FLNB: variants seen among roughly 807,000 people sequenced by gnomAD.
FLNB encodes the protein filamin B.
A neutral mutation model predicts 250.6 loss-of-function variants in FLNB; 111 were observed. That is an observed-to-expected ratio of 0.44 (90% confidence interval 0.38 to 0.52). The LOEUF is 0.52. Among genes scored for constraint, FLNB ranks in the 20% least tolerant of loss-of-function variants. FLNB has a pLI of 0.00. For missense variants in FLNB, 2,869 were observed against 3,447.8 expected, an observed-to-expected ratio of 0.83 and a Z score of 4.20; for synonymous variants, 1,302 against 1,372.1, an observed-to-expected ratio of 0.95 and a Z score of 1.13.
At chr3:58,062,245 C>T (rs1225968158) in intron 1 of FLNB, among the ~76,000 whole-genome samples, 2 of 152,220 alleles carry the variant, frequency 1.3e-5, no homozygotes, top group African/African-American at 4.8e-5. Flanking sequence ...CAGATGCAGT[C>T]ATGACTTCTG....
At chr3:58,078,321 G>A in intron 2 of FLNB, 1 of 1,445,420 alleles carries the variant, frequency 6.9e-7, no homozygotes, top group South Asian at 1.5e-5. Flanking sequence ...GTGCCTTTGA[G>A]CAAGTGGATT....
chr3:58,105,274 G>C, intron 11 of FLNB, 58 bp downstream of exon 11: 1 of 1,608,676 alleles, frequency 6.2e-7, no homozygotes, highest in Non-Finnish European at 8.5e-7. Context: ...AGGGCTTCCG[G>C]GCTGTGTCAG....
At position 58,109,243 on chromosome 3, in the gene FLNB, C is replaced by T. The variant is rs780137252; in HGVS notation, c.2120C>T (p.Ser707Leu). Reference sequence around the variant, plus strand: ...CGGATGGACGGCACATATGCATGCTCATACACCCCGGTGAAGGCCATCAAG... The same window carrying T: ...CGGATGGACGGCACATATGCATGCTTATACACCCCGGTGAAGGCCATCAAG... ...KNRMDGTYAC[S>L]YTPVKAIKHT... The change falls in exon 14 of 46, where the codon TCA (serine) becomes TTA (leucine). Residue 707 changes from serine to leucine, a missense_variant. By Grantham distance (145) the Ser-to-Leu change is moderately radical (BLOSUM62 -2). Around this residue, in one of 5 missense-constraint regions of FLNB, gnomAD observed 1,348 missense variants for 1,466.7 expected, o/e 0.92. Transcript: ENST00000295956. The T allele has an allele frequency of 1.3e-4, 205 of 1,614,122 alleles. No individual in the cohort carries two copies. The highest frequency in any genetic ancestry group is 1.7e-4 in the Non-Finnish European group (195 of 1,180,054).
At chr3:58,157,351 T>C (rs1439616783) in intron 41 of FLNB, among the ~76,000 whole-genome samples, 1 of 152,190 alleles carries the variant, frequency 6.6e-6, no homozygotes, top group Non-Finnish European at 1.5e-5. Flanking sequence ...CAATCTGATG[T>C]CTAAGATTGG....
chr3:58,170,171 A>G (rs1195070739), intron 45 of FLNB, among the ~76,000 whole-genome samples: 2 of 152,186 alleles, frequency 1.3e-5, no homozygotes, highest in African/African-American at 4.8e-5. Context: ...TCTTCTCGGA[A>G]GTACCTTCCT....
chr3:58,081,838 A>C, intron 4 of FLNB, 62 bp downstream of exon 4: 2 of 1,574,698 alleles, frequency 1.3e-6, no homozygotes, highest in Non-Finnish European at 1.7e-6. Context: ...AGATGATTTC[A>C]TGGCTTCAAG....
At chr3:58,011,233 A>G (rs1411008410) in intron 1 of FLNB, among the ~76,000 whole-genome samples, 3 of 151,718 alleles carry the variant, frequency 2.0e-5, no homozygotes, top group Non-Finnish European at 4.4e-5. Context: ...TTATTTTCGA[A>G]TCCACTCAGG....
chr3:58,014,140 C>A (rs1344250311), intron 1 of FLNB, among the ~76,000 whole-genome samples: 2 of 152,172 alleles, frequency 1.3e-5, no homozygotes, highest in African/African-American at 4.8e-5. Flanking sequence ...TTAAATAAGG[C>A]ACTGTTTAAT....
At chr3:58,097,694 C>T (rs2097241425) in intron 6 of FLNB, 121 bp from the exon 7 acceptor site, 1 of 1,003,166 alleles carries the variant, frequency 1.0e-6, no homozygotes, top group Non-Finnish European at 1.5e-6. Context: ...TTATTCTAGA[C>T]ACCTTGTGTG....
intron 1 of FLNB, among the ~76,000 whole-genome samples, chr3:58,061,861 G>A (rs555142048): frequency 1.4e-3 from 206 of 152,270 alleles, no homozygotes; most frequent in African/African-American, 4.8e-3. Context: ...GGAGGCCAAG[G>A]TGGGCAGATC....
In FLNB at chr3:58,130,724, C is replaced by A; in HGVS notation, c.4223-17C>A. ...AATTCCCAGCTTGTGCTCAGAATCCCACAACCTCTCTTCCAGGCAGCCCCT... is the reference window on the plus strand; with the variant it reads ...AATTCCCAGCTTGTGCTCAGAATCCAACAACCTCTCTTCCAGGCAGCCCCT... On this transcript the variant is annotated splice_polypyrimidine_tract_variant and intron_variant, in intron 24 of 45. Coordinates refer to ENST00000295956, the MANE Select transcript of FLNB (RefSeq NM_001457.4). 6.2e-7 allele frequency: 1 copy of A among 1,609,360 alleles called. No homozygotes were observed. The highest frequency in any genetic ancestry group is 1.1e-5 in the South Asian group (1 of 90,004).
intron 1 of FLNB, among the ~76,000 whole-genome samples, chr3:58,025,118 CTTCT>C (rs1281184715): frequency 3.7e-4 from 28 of 76,462 alleles, no homozygotes; most frequent in Non-Finnish European, 5.0e-4. Flanking sequence ...TTTTTCTTTT[CTTCT>C]TTCTTTCTTT....
Position 58,169,835 on chromosome 3 carries a change from C to T in FLNB, c.7621+42C>T, listed in dbSNP as rs76686684. On this transcript the variant is annotated intron_variant, in intron 45 of 45. Transcript: ENST00000295956. This position sits in a 1 kb window ranked among gnomAD's most constrained non-coding sequence, Gnocchi z 4.8. ...TTTCAAGGGTGGGGTGGGGCAGGGG[C>T]AGGCTGGGCACCCTGGGTACACTGG... 0.028 allele frequency: 39,960 copies of T among 1,439,796 alleles called. 1,344 individuals are homozygous for T. The highest frequency in any genetic ancestry group is 0.056 in the South Asian group (4,795 of 86,018). The allele number at this position is 1,439,796 out of a possible 1,614,324, so 89.2% of individuals were successfully genotyped here.
intron 1 of FLNB, among the ~76,000 whole-genome samples, chr3:58,073,149 C>CTATTTATTTATTTATTTATTTATTTATT (rs55987295): frequency 1.4e-5 from 2 of 145,626 alleles, no homozygotes; most frequent in Admixed American, 1.4e-4. Context: ...AGTATACCCA[C>CTATTTATTTATTTATTTATTTATTTATT]TATTTATTTA....
At chr3:58,047,622 G>GT (rs2097156104) in intron 1 of FLNB, among the ~76,000 whole-genome samples, 1 of 151,646 alleles carries the variant, frequency 6.6e-6, no homozygotes, top group East Asian at 1.9e-4. Context: ...CGCCCAGGCT[G>GT]TAGTGCAGTG....
At chr3:58,064,199 G>C (rs2097182264) in intron 1 of FLNB, among the ~76,000 whole-genome samples, 1 of 152,130 alleles carries the variant, frequency 6.6e-6, no homozygotes, top group South Asian at 2.1e-4. Flanking sequence ...GGAGTGCAGT[G>C]GTGCGATCTT....
chr3:58,118,851 G>C, intron 18 of FLNB, 21 bp from the exon 19 acceptor site: 1 of 1,594,172 alleles, frequency 6.3e-7, no homozygotes, highest in Non-Finnish European at 8.6e-7. Flanking sequence ...AAGGTAAACT[G>C]AGTTTTCTCT....
chr3:58,095,998 G>T, intron 5 of FLNB, 143 bp from the exon 6 acceptor site: 1 of 700,426 alleles, frequency 1.4e-6, no homozygotes. Flanking sequence ...TTTCTCTCTA[G>T]GGGCGTTGTG....
At chr3:58,063,533 C>T (rs1255892623) in intron 1 of FLNB, among the ~76,000 whole-genome samples, 3 of 152,182 alleles carry the variant, frequency 2.0e-5, no homozygotes, top group African/African-American at 7.2e-5. Context: ...GTAAAGCAGG[C>T]AGAGTTCCCC....
Sources: gnomAD v4.1 joint callset for allele counts (sites outside exome capture counted in the v4.1 genomes callset) on GRCh38, gnomAD v4.1.1 for gene constraint, gnomAD v4.1.1 regional missense constraint, Gnocchi (gnomAD v3.1) non-coding constraint, MANE v1.5 for transcripts, NCBI Gene and HGNC (gene_info 2026-07-23, HGNC 2026-07-21) for gene names.